Variants in OR51E1 observed in about 807,000 individuals in gnomAD.
The protein encoded by OR51E1 is olfactory receptor 51E1.
Under a neutral mutation model 11.5 loss-of-function variants are expected in OR51E1, and 9 were observed. The observed-to-expected ratio is 0.78, with a 90% CI of 0.47 to 1.37. The LOEUF (loss-of-function observed/expected upper bound fraction) is 1.37, where lower values mean the gene tolerates loss of function less well. OR51E1 is among the 40% of genes most tolerant of loss of function. The pLI is 0.00. For synonymous variants in OR51E1, 168 were observed against 158.3 expected, an observed-to-expected ratio of 1.06 and a Z score of -0.46; for missense variants, 397 against 410.2, an observed-to-expected ratio of 0.97 and a Z score of 0.28.
chr11:4,652,249 A>C (rs1847107271), intron 1 of OR51E1, among the ~76,000 whole-genome samples: 1 of 152,208 alleles, frequency 6.6e-6, no homozygotes, highest in African/African-American at 2.4e-5. Flanking sequence ...TTTTTGTCTT[A>C]GTCTTTCACT....
In OR51E1 at chr11:4,653,799, G is replaced by C. The variant is rs1026055685; in HGVS notation, c.*316G>C. On this transcript the variant is annotated 3_prime_UTR_variant, in exon 2 of 2. Coordinates refer to ENST00000396952, the MANE Select transcript of OR51E1 (RefSeq NM_152430.4). Reference sequence around the variant, plus strand: ...TTCTGAGATAAGAATGGTACATCTAGAGAACATTTGCCAAAGGCCTAAGCA... The same window carrying C: ...TTCTGAGATAAGAATGGTACATCTACAGAACATTTGCCAAAGGCCTAAGCA... The C allele has an allele frequency of 4.3e-6, 1 of 234,028 alleles. No individual in the cohort carries two copies. The highest frequency in any genetic ancestry group is 8.9e-6 in the Non-Finnish European group (1 of 111,836). 14.5% of individuals were successfully genotyped at this position (234,028 alleles called of 1,614,324 possible).
chr11:4,652,907 G>T lies in OR51E1; in HGVS notation c.381G>T (p.Val127=). 1 of 1,611,860 alleles carries T rather than the reference G, an allele frequency of 6.2e-7. No homozygotes were observed. Residue 127 remains valine (V), a synonymous_variant, in exon 2 of 2, where the codon GTG becomes GTT. Coordinates refer to ENST00000396952, the MANE Select transcript of OR51E1 (RefSeq NM_152430.4). Reference sequence around the variant, plus strand: ...TGGCCATGGCTTTTGACCGCTATGTGGCCATCTGTCACCCACTGCGCCATG... The same window carrying T: ...TGGCCATGGCTTTTGACCGCTATGTTGCCATCTGTCACCCACTGCGCCATG... ...VLLAMAFDRY[V]AICHPLRHAT...
At chr11:4,646,642 C>T (rs1847033861) in intron 1 of OR51E1, among the ~76,000 whole-genome samples, 1 of 152,206 alleles carries the variant, frequency 6.6e-6, no homozygotes, top group African/African-American at 2.4e-5. Context: ...ACCCACCTCA[C>T]AGCCTTTGGA....
intron 1 of OR51E1, among the ~76,000 whole-genome samples, chr11:4,649,625 C>T (rs990638522): frequency 1.3e-5 from 2 of 151,980 alleles, no homozygotes; most frequent in Admixed American, 6.6e-5. Context: ...TAATAGGGAG[C>T]GAGCTGGTTT....
intron 1 of OR51E1, among the ~76,000 whole-genome samples, chr11:4,645,182 C>T (rs1399961644): frequency 6.6e-6 from 1 of 152,144 alleles, no homozygotes. Context: ...TTATTGGCCT[C>T]GTGTTATATG....
chr11:4,650,854 T>C (rs997237425), intron 1 of OR51E1, among the ~76,000 whole-genome samples: 1 of 152,080 alleles, frequency 6.6e-6, no homozygotes, highest in African/African-American at 2.4e-5. Flanking sequence ...ACCAACATGA[T>C]GCTCAAAGAG....
At chr11:4,645,060 T>A (rs1847012112) in intron 1 of OR51E1, among the ~76,000 whole-genome samples, 1 of 152,054 alleles carries the variant, frequency 6.6e-6, no homozygotes, top group Non-Finnish European at 1.5e-5. Context: ...TAAGAGAGGC[T>A]TTTTCTGACC....
chr11:4,653,462 C>T lies in OR51E1; in HGVS notation c.936C>T (p.Ala312=). ...RQRILRLFHV[A]THASEP The stretch of plus-strand genomic sequence containing the variant: ...GCATCCTTCGACTTTTCCATGTGGC[C>T]ACACACGCTTCAGAGCCCTAGGTGT... Residue 312 remains alanine (A), a synonymous_variant, in exon 2 of 2, where the codon GCC becomes GCT. Coordinates refer to ENST00000396952, the MANE Select transcript of OR51E1 (RefSeq NM_152430.4). The T allele has an allele frequency of 6.2e-7, 1 of 1,610,116 alleles. No individual in the cohort carries two copies.
intron 1 of OR51E1, among the ~76,000 whole-genome samples, chr11:4,647,662 C>T (rs187848205): frequency 1.2e-3 from 181 of 152,208 alleles, no homozygotes; most frequent in African/African-American, 4.0e-3. Context: ...AAGGCCTCCA[C>T]GTGGATTTCC....
chr11:4,651,621 G>C (rs1347703872), intron 1 of OR51E1, among the ~76,000 whole-genome samples: 1 of 152,216 alleles, frequency 6.6e-6, no homozygotes, highest in African/African-American at 2.4e-5. Flanking sequence ...GGAAAGAAGG[G>C]GAGCTGTGAG....
At position 4,655,187 on chromosome 11, in the gene OR51E1, A is replaced by G. The variant is rs1394570924; in HGVS notation, c.*1704A>G. 1 of 167,090 alleles carries G rather than the reference A, an allele frequency of 6.0e-6. No individual in the cohort carries two copies. Among genetic ancestry groups the G allele is most frequent in the Non-Finnish European group, 1.5e-5 (1 of 68,132 alleles). 10.4% of individuals were successfully genotyped at this position (167,090 alleles called of 1,614,324 possible). ...TTCTGTCCTGAACACATAGCCAGGC[A>G]ATTTTCCAGCCTTCTTTGAGTTGGG... On this transcript the variant is annotated 3_prime_UTR_variant, in exon 2 of 2. Transcript: ENST00000396952.
In OR51E1 at chr11:4,653,367, A is replaced by G; in HGVS notation, c.841A>G (p.Ile281Val). 3.1e-6 allele frequency: 5 copies of G among 1,614,062 alleles called. No homozygotes were observed. Among genetic ancestry groups the G allele is most frequent in the Non-Finnish European group, 4.2e-6 (5 of 1,179,938 alleles). The change falls in exon 2 of 2, where the codon ATC (isoleucine) becomes GTC (valine). Residue 281 changes from isoleucine (I) to valine (V), a missense_variant. Ile to Val is a conservative substitution (Grantham distance 29). Coordinates refer to ENST00000396952, the MANE Select transcript of OR51E1 (RefSeq NM_152430.4). ...DSPLPVILAN[I>V]YLLVPPVLNP... ...TCCGCTGCCCGTCATCTTGGCCAAT[A>G]TCTATCTGCTGGTTCCTCCTGTGCT...
Position 4,652,820 on chromosome 11 carries a change from T to C in OR51E1, c.294T>C (p.Asp98=). 6.2e-7 allele frequency: 1 copy of C among 1,614,226 alleles called. No homozygotes were observed. Among genetic ancestry groups the C allele is most frequent in the Non-Finnish European group, 8.5e-7 (1 of 1,180,036 alleles). ...TCAATTCCACTACCATCCAGTTTGA[T>C]GCTTGTCTGCTACAGATGTTTGCCA... ...FWFNSTTIQF[D]ACLLQMFAIH... Residue 98 remains aspartate, a synonymous_variant, in exon 2 of 2, where the codon GAT becomes GAC. Coordinates refer to ENST00000396952, the MANE Select transcript of OR51E1 (RefSeq NM_152430.4).
intron 1 of OR51E1, among the ~76,000 whole-genome samples, chr11:4,651,421 C>A (rs1244397794): frequency 6.6e-6 from 1 of 152,146 alleles, no homozygotes; most frequent in Non-Finnish European, 1.5e-5. Flanking sequence ...TGGAGACAAG[C>A]CTCAGGCTGG....
intron 1 of OR51E1, among the ~76,000 whole-genome samples, chr11:4,644,766 C>T (rs963964611): frequency 5.3e-5 from 8 of 152,114 alleles, no homozygotes; most frequent in Non-Finnish European, 1.2e-4. Context: ...TAGATAAGTT[C>T]TGTTGCTGAA....
chr11:4,647,661 A>C (rs10742355), intron 1 of OR51E1, among the ~76,000 whole-genome samples: 52,664 of 151,934 alleles, frequency 0.35, 9,252 homozygotes, highest in African/African-American at 0.4. Context: ...GAAGGCCTCC[A>C]CGTGGATTTC....
intron 1 of OR51E1, among the ~76,000 whole-genome samples, chr11:4,652,027 G>C (rs1589862296): frequency 6.6e-6 from 1 of 152,152 alleles, no homozygotes; most frequent in Non-Finnish European, 1.5e-5. Flanking sequence ...GTATTAATCT[G>C]TTACTACTAG....
At chr11:4,645,867 A>G (rs968682686) in intron 1 of OR51E1, among the ~76,000 whole-genome samples, 6 of 151,948 alleles carry the variant, frequency 3.9e-5, no homozygotes, top group African/African-American at 1.5e-4. Context: ...TCATCTTTCC[A>G]TTTTCATCTT....
chr11:4,645,725 G>A (rs1847023183), intron 1 of OR51E1, among the ~76,000 whole-genome samples: 1 of 152,114 alleles, frequency 6.6e-6, no homozygotes, highest in East Asian at 1.9e-4. Flanking sequence ...GTCCTACTCA[G>A]GAAGTGGAGG....
Sources: gnomAD v4.1 joint callset for allele counts (sites outside exome capture counted in the v4.1 genomes callset) on GRCh38, gnomAD v4.1.1 for gene constraint, MANE v1.5 for transcripts, NCBI Gene and HGNC (gene_info 2026-07-23, HGNC 2026-07-21) for gene names.